Variants in PACSIN2 observed in about 807,000 individuals in gnomAD.
PACSIN2 encodes protein kinase C and casein kinase substrate in neurons protein 2.
PACSIN2 carries 25 observed loss-of-function variants against 63.8 expected under a neutral mutation model. The ratio of observed to expected loss-of-function variants is 0.39; its 90% CI spans 0.29 to 0.55. PACSIN2 has a LOEUF of 0.55. Among genes scored for constraint, PACSIN2 ranks in the 20% least tolerant of loss-of-function variants. PACSIN2 has a pLI of 0.62. For missense variants in PACSIN2, 518 were observed against 646.9 expected (o/e 0.80, Z 2.16); for synonymous variants, 255 against 256.2 (o/e 1.00, Z 0.05).
intron 1 of PACSIN2, among the ~76,000 whole-genome samples, chr22:42,925,069 C>T (rs1009105888): frequency 1.3e-5 from 2 of 151,934 alleles, no homozygotes; most frequent in African/African-American, 2.4e-5. Flanking sequence ...CTAACCCTGC[C>T]CCAGCCCCCT....
chr22:42,901,768 G>T (rs1374329217), intron 2 of PACSIN2, among the ~76,000 whole-genome samples: 1 of 152,202 alleles, frequency 6.6e-6, no homozygotes, highest in East Asian at 1.9e-4. Context: ...AGGATTCCAG[G>T]GTGTCTGGTT....
intron 1 of PACSIN2, among the ~76,000 whole-genome samples, chr22:42,940,971 C>T (rs559302048): frequency 6.6e-6 from 1 of 152,284 alleles, no homozygotes; most frequent in East Asian, 1.9e-4. Context: ...CAGAGTTGTG[C>T]CACATCATGA....
At chr22:42,873,244 T>C (rs1442894247) in intron 10 of PACSIN2, among the ~76,000 whole-genome samples, 1 of 152,192 alleles carries the variant, frequency 6.6e-6, no homozygotes, top group African/African-American at 2.4e-5. Context: ...ACAAAATTAC[T>C]GTCAAACCCA....
At chr22:42,994,283 T>C (rs1286376935) in intron 1 of PACSIN2, among the ~76,000 whole-genome samples, 1 of 152,134 alleles carries the variant, frequency 6.6e-6, no homozygotes, top group East Asian at 1.9e-4. Context: ...CCCATGCAAC[T>C]GGGGCTCCAG....
At chr22:42,972,049 C>A (rs1188808779) in intron 1 of PACSIN2, among the ~76,000 whole-genome samples, 1 of 150,992 alleles carries the variant, frequency 6.6e-6, no homozygotes, top group Non-Finnish European at 1.5e-5. Flanking sequence ...ATGACAATGG[C>A]GGTTTTGTCC....
intron 1 of PACSIN2, among the ~76,000 whole-genome samples, chr22:43,008,291 C>T (rs1215037135): frequency 6.6e-6 from 1 of 152,074 alleles, no homozygotes; most frequent in Non-Finnish European, 1.5e-5. Flanking sequence ...CACTCTGTCG[C>T]CCAGGCTGGA....
intron 1 of PACSIN2, among the ~76,000 whole-genome samples, chr22:42,966,020 G>A (rs1920951543): frequency 6.6e-6 from 1 of 152,020 alleles, no homozygotes; most frequent in South Asian, 2.1e-4. Flanking sequence ...CAGGGTAGTG[G>A]CTATTTGCAA....
chr22:42,912,470 G>A (rs746602470), intron 1 of PACSIN2, among the ~76,000 whole-genome samples: 3 of 152,188 alleles, frequency 2.0e-5, no homozygotes, highest in Non-Finnish European at 2.9e-5. Flanking sequence ...GGGATAAAAC[G>A]TGAGTGGAGG....
At chr22:43,000,346 G>A (rs1044351154) in intron 1 of PACSIN2, among the ~76,000 whole-genome samples, 2 of 152,204 alleles carry the variant, frequency 1.3e-5, no homozygotes, top group Admixed American at 1.3e-4. Context: ...ACCCCAAGGA[G>A]AGAACTCCCC....
At chr22:43,004,732 A>G (rs187412126) in intron 1 of PACSIN2, among the ~76,000 whole-genome samples, 24 of 152,220 alleles carry the variant, frequency 1.6e-4, no homozygotes, top group Non-Finnish European at 1.5e-5. Flanking sequence ...ATTCAATAGG[A>G]AACTTCAGAA....
intron 1 of PACSIN2, among the ~76,000 whole-genome samples, chr22:42,999,760 A>G (rs1923647334): frequency 6.6e-6 from 1 of 152,150 alleles, no homozygotes; most frequent in African/African-American, 2.4e-5. Flanking sequence ...TGCTGGGGAG[A>G]CAGGGCCACT....
chr22:42,956,165 C>G (rs1933908885), intron 1 of PACSIN2, among the ~76,000 whole-genome samples: 1 of 152,172 alleles, frequency 6.6e-6, no homozygotes, highest in Non-Finnish European at 1.5e-5. Context: ...TTCACATTAA[C>G]AAAAAGATAA....
intron 5 of PACSIN2, among the ~76,000 whole-genome samples, chr22:42,885,355 G>A (rs1929396557): frequency 6.6e-6 from 1 of 152,120 alleles, no homozygotes; most frequent in African/African-American, 2.4e-5. Context: ...TTTGTTAGTT[G>A]GTGGGATCAT....
chr22:42,950,686 G>A lies in PACSIN2; in HGVS notation c.-77-38529C>T, dbSNP rs534699904. On this transcript the variant is annotated intron_variant, in intron 1 of 10. Transcript: ENST00000263246. Reference sequence around the variant, plus strand: ...TACGTCTAAAAAGCTGAACACTTGGGCTTTATCTAAAAATATATGTTTAAG... The same window carrying A: ...TACGTCTAAAAAGCTGAACACTTGGACTTTATCTAAAAATATATGTTTAAG... Among the ~76,000 whole-genome samples, 19 of 152,258 alleles carry A rather than the reference G, an allele frequency of 1.2e-4. No homozygotes were observed. The South Asian group carries it at 1.7e-3, about 13-fold the overall frequency.
rs1299485191 is a variant in PACSIN2 at position 42,871,476 on chromosome 22, G to A, written c.1349-7C>T. ...ATCTTGGTCAGCTCATCCCCTGCAA[G>A]ACAAAGAGGGAGCCGTCTCCATGAG... On this transcript the variant is annotated splice_polypyrimidine_tract_variant and splice_region_variant and intron_variant, in intron 10 of 10. Coordinates refer to ENST00000263246, the MANE Select transcript of PACSIN2 (RefSeq NM_001184970.3). The surrounding 1 kb of genome is among the most constrained non-coding windows in gnomAD (Gnocchi z 5.4). The A allele has an allele frequency of 6.2e-7, 1 of 1,600,744 alleles. No homozygotes were observed. Among genetic ancestry groups the A allele is most frequent in the Admixed American group, 1.7e-5 (1 of 60,024 alleles).
intron 1 of PACSIN2, among the ~76,000 whole-genome samples, chr22:42,987,991 A>G (rs1922758348): frequency 1.3e-5 from 2 of 152,046 alleles, no homozygotes; most frequent in East Asian, 3.9e-4. Context: ...AGATACAAAA[A>G]TTAGCCAGGT....
chr22:42,912,274 TA>T, intron 1 of PACSIN2, 117 bp from the exon 2 acceptor site: 1 of 532,258 alleles, frequency 1.9e-6, no homozygotes, highest in South Asian at 2.6e-5. Context: ...GGGCGGTCTA[TA>T]ATATTTCCTT....
intron 1 of PACSIN2, among the ~76,000 whole-genome samples, chr22:42,997,440 C>T (rs1923482889): frequency 6.6e-6 from 1 of 152,018 alleles, no homozygotes; most frequent in Non-Finnish European, 1.5e-5. Flanking sequence ...CGCCTGTAGT[C>T]CCAGCTACCT....
intron 1 of PACSIN2, among the ~76,000 whole-genome samples, chr22:42,996,175 G>A (rs965895876): frequency 4.0e-5 from 6 of 151,528 alleles, no homozygotes; most frequent in Admixed American, 2.6e-4. Flanking sequence ...AGCCGAGATT[G>A]CACCACTGCA....
Sources: allele counts gnomAD v4.1 joint callset (sites outside exome capture counted in the v4.1 genomes callset), GRCh38; gene constraint gnomAD v4.1.1; non-coding constraint Gnocchi (gnomAD v3.1); transcripts MANE v1.5; gene names NCBI Gene and HGNC (gene_info 2026-07-23, HGNC 2026-07-21).